Variants in RYR1 observed in about 807,000 individuals in gnomAD.
RYR1 encodes central core disease of muscle.
RYR1 carries 342 observed loss-of-function variants against 583.5 expected under a neutral mutation model. The observed-to-expected ratio is 0.59, with a 90% confidence interval of 0.54 to 0.64. The LOEUF (loss-of-function observed/expected upper bound fraction) is 0.64, where lower values mean the gene tolerates loss of function less well. Ranked by LOEUF, RYR1 falls within the 30% of genes least tolerant of loss-of-function variation. The pLI is 0.00. For synonymous variants in RYR1, 2,791 were observed against 2,822.5 expected (o/e 0.99, Z 0.35); for missense variants, 6,032 against 6,917.2 (o/e 0.87, Z 4.54).
At position 38,499,319 on chromosome 19, in the gene RYR1, G is replaced by A. The variant is rs1457831496; in HGVS notation, c.7027+76G>A. ...CACACCTCCCTCGAGATGACTGCTC[G>A]CACCCTGAGCCACAGATGGGGTCCA... is the stretch of plus-strand genomic sequence containing the variant. On this transcript the variant is annotated intron_variant, in intron 43 of 105. Transcript: ENST00000359596. This position sits in a 1 kb window ranked among gnomAD's most constrained non-coding sequence, Gnocchi z 7.3. 1.9e-5 allele frequency: 31 copies of A among 1,604,416 alleles called. No homozygotes were observed. The highest frequency in any genetic ancestry group is 2.7e-5 in the African/African-American group (2 of 74,874).
chr19:38,582,397 C>G (rs910874365), intron 101 of RYR1, among the ~76,000 whole-genome samples: 8 of 140,274 alleles, frequency 5.7e-5, no homozygotes, highest in Non-Finnish European at 1.2e-4. Context: ...AACTCCGTCT[C>G]AAAAAAAAGG....
intron 22 of RYR1, among the ~76,000 whole-genome samples, chr19:38,464,103 C>T (rs1052126112): frequency 6.6e-6 from 1 of 151,526 alleles, no homozygotes; most frequent in East Asian, 1.9e-4. Context: ...ATGGCAAAAC[C>T]CCGTCTCTAC....
At position 38,459,279 on chromosome 19, in the gene RYR1, T is replaced by C; in HGVS notation, c.2301T>C (p.Phe767=). The C allele has an allele frequency of 6.2e-7, 1 of 1,614,080 alleles. No homozygotes were observed. The highest frequency in any genetic ancestry group is 8.5e-7 in the Non-Finnish European group (1 of 1,179,990). The part of the protein sequence containing the change: ...RINGCPVQGV[F]ESFNLDGLFF... ...ACGGCTGCCCCGTGCAGGGTGTCTTTGAGTCCTTCAACCTGGACGGGCTCT... is the reference window on the plus strand; with the variant it reads ...ACGGCTGCCCCGTGCAGGGTGTCTTCGAGTCCTTCAACCTGGACGGGCTCT... The change falls in exon 19 of 106, where the codon TTT becomes TTC. Residue 767 remains phenylalanine (F), a synonymous_variant. Coordinates refer to ENST00000359596, the MANE Select transcript of RYR1 (RefSeq NM_000540.3).
At chr19:38,507,015 G>T in intron 57 of RYR1, 63 bp downstream of exon 57, 1 of 1,610,284 alleles carries the variant, frequency 6.2e-7, no homozygotes, top group South Asian at 1.1e-5. Context: ...AAGGCTGGAA[G>T]GGGCGGGGCC....
chr19:38,448,948 G>C (rs1966935731), intron 11 of RYR1, 135 bp downstream of exon 11: 1 of 825,890 alleles, frequency 1.2e-6, no homozygotes, highest in South Asian at 1.5e-5. Flanking sequence ...GGTGCAGGAG[G>C]GTACTGAGGG....
chr19:38,536,838 C>T, intron 83 of RYR1, 71 bp downstream of exon 83: 1 of 1,512,226 alleles, frequency 6.6e-7, no homozygotes, highest in African/African-American at 1.4e-5. Flanking sequence ...CACCCCTCCA[C>T]CTAGGGGCTG....
chr19:38,463,991 G>C, intron 22 of RYR1, 141 bp downstream of exon 22: 1 of 722,058 alleles, frequency 1.4e-6, no homozygotes, highest in Non-Finnish European at 2.4e-6. Context: ...AACAAATGGG[G>C]AGTGGCCGGG....
In RYR1 at chr19:38,525,281, T is replaced by C. The variant is rs962623255; in HGVS notation, c.10456-51T>C. ...GTGGATGATGGCCGCGGGTTGGGGC[T>C]GAGGCATGGGATTGGGGCTTGGGCT... On this transcript the variant is annotated intron_variant, in intron 70 of 105. Transcript: ENST00000359596. 5 of 1,611,446 alleles carry C rather than the reference T, an allele frequency of 3.1e-6. No individual in the cohort carries two copies. In the Admixed American group the frequency reaches 5.0e-5, roughly 16 times the overall value.
intron 31 of RYR1, among the ~76,000 whole-genome samples, chr19:38,480,558 T>C (rs1968957681): frequency 6.6e-6 from 1 of 152,046 alleles, no homozygotes; most frequent in East Asian, 1.9e-4. Context: ...AAGATAAGGA[T>C]GATCTTAAAG....
chr19:38,529,115 C>T (rs1363548739), intron 76 of RYR1, 58 bp downstream of exon 76: 3 of 1,555,478 alleles, frequency 1.9e-6, no homozygotes, highest in Admixed American at 1.7e-5. Flanking sequence ...CCACCCCCAG[C>T]CCAGCAGCTT....
At position 38,573,302 on chromosome 19, in the gene RYR1, C is replaced by T; in HGVS notation, c.14124C>T (p.Asn4708=). 2 of 1,613,446 alleles carry T rather than the reference C, an allele frequency of 1.2e-6. No homozygotes were observed. Among genetic ancestry groups the T allele is most frequent in the Non-Finnish European group, 1.7e-6 (2 of 1,179,764 alleles). The change falls in exon 96 of 106, where the codon AAC becomes AAT. Residue 4708 remains asparagine, a synonymous_variant. Transcript: ENST00000359596. ...GGCAGTGGGACCGACTGGTGCTCAA[C>T]ACGCCGTAAGGACCCAGCCCCCACC... ...VKGQWDRLVL[N]TPSFPSNYWD... is the part of the protein sequence containing the mutation.
At chr19:38,563,457 G>C (rs1180648948) in intron 90 of RYR1, among the ~76,000 whole-genome samples, 1 of 152,196 alleles carries the variant, frequency 6.6e-6, no homozygotes, top group Non-Finnish European at 1.5e-5. Flanking sequence ...TAGAGGCGGG[G>C]TTTTGCCATG....
At chr19:38,523,623 C>T in intron 69 of RYR1, 1 of 607,916 alleles carries the variant, frequency 1.6e-6, no homozygotes. Context: ...AAGCCTCTCT[C>T]TCCTCCCATT....
Position 38,511,611 on chromosome 19 carries a change from G to A in RYR1, c.9172+1G>A, listed in dbSNP as rs1307935313. 6.2e-7 allele frequency: 1 copy of A among 1,613,920 alleles called. No homozygotes were observed. The highest frequency in any genetic ancestry group is 8.5e-7 in the Non-Finnish European group (1 of 1,180,004). Reference sequence around the variant, plus strand: ...GTCCGCCACCGAGTCTCTCTCTTTGGTAAGTGGCTCCACACCTTCGGTCTT... The same window carrying A: ...GTCCGCCACCGAGTCTCTCTCTTTGATAAGTGGCTCCACACCTTCGGTCTT... On this transcript the variant is annotated splice_donor_variant, in intron 61 of 105. Coordinates refer to ENST00000359596, the MANE Select transcript of RYR1 (RefSeq NM_000540.3). LOFTEE classifies it high-confidence loss of function.
Position 38,448,738 on chromosome 19 carries a change from T to C in RYR1, c.1047T>C (p.His349=). ...KYGESLCFVQ[H]VASGLWLTYA... Reference sequence around the variant, plus strand: ...GGGAGTCACTGTGCTTCGTGCAGCATGTGGCCTCAGGACTGTGGCTCACCT... The same window carrying C: ...GGGAGTCACTGTGCTTCGTGCAGCACGTGGCCTCAGGACTGTGGCTCACCT... Residue 349 remains histidine (H), a synonymous_variant, in exon 11 of 106, where the codon CAT becomes CAC. Coordinates refer to ENST00000359596, the MANE Select transcript of RYR1 (RefSeq NM_000540.3). The C allele has an allele frequency of 1.2e-6, 2 of 1,614,250 alleles. No individual in the cohort carries two copies. Among genetic ancestry groups the C allele is most frequent in the Non-Finnish European group, 1.7e-6 (2 of 1,180,046 alleles).
Position 38,506,571 on chromosome 19 carries a change from C to T in RYR1, c.8692+25C>T, listed in dbSNP as rs751664895. ...GGTGAGGGCGCCCATGCCGCCCCCA[C>T]GCTACCCCCGTGGATTCACCGTGTG... On this transcript the variant is annotated intron_variant, in intron 56 of 105. Transcript: ENST00000359596. 5 of 1,612,588 alleles carry T rather than the reference C, an allele frequency of 3.1e-6. No individual in the cohort carries two copies. In the African/African-American group the frequency reaches 5.3e-5, roughly 17 times the overall value.
In RYR1 at chr19:38,478,582, G is replaced by A; in HGVS notation, c.4602G>A (p.Glu1534=). 1 of 1,613,008 alleles carries A rather than the reference G, an allele frequency of 6.2e-7. No individual in the cohort carries two copies. Among genetic ancestry groups the A allele is most frequent in the Admixed American group, 1.7e-5 (1 of 60,024 alleles). Residue 1534 remains glutamate (E), a synonymous_variant, in exon 31 of 106, where the codon GAG becomes GAA. Coordinates refer to ENST00000359596, the MANE Select transcript of RYR1 (RefSeq NM_000540.3). ...GLMTFTANGK[E]SNTFFQVEPN... is the part of the protein sequence containing the mutation. ...TGACCTTTACAGCCAATGGCAAAGAGAGCAACACCTTTTTCCAGGTGAGTC... is the reference window on the plus strand; with the variant it reads ...TGACCTTTACAGCCAATGGCAAAGAAAGCAACACCTTTTTCCAGGTGAGTC...
At chr19:38,537,845 C>T (rs1252514351) in intron 83 of RYR1, 35 bp from the exon 84 acceptor site, 55 of 1,599,370 alleles carry the variant, frequency 3.4e-5, no homozygotes, top group Non-Finnish European at 4.6e-5. Flanking sequence ...GCGCATCTGA[C>T]CCCTCCTGGG....
At position 38,496,386 on chromosome 19, in the gene RYR1, C is replaced by A. The variant is rs760053211; in HGVS notation, c.6664-23C>A. Reference sequence around the variant, plus strand: ...GGGGAGGCAGCCACAGAGGGCAGGCCCTGACCACCCTGCCTGTCCCAGGAG... The same window carrying A: ...GGGGAGGCAGCCACAGAGGGCAGGCACTGACCACCCTGCCTGTCCCAGGAG... On this transcript the variant is annotated intron_variant, in intron 40 of 105. Transcript: ENST00000359596. The surrounding 1 kb of genome is among the most constrained non-coding windows in gnomAD (Gnocchi z 4.8). 6.2e-7 allele frequency: 1 copy of A among 1,613,748 alleles called. No individual in the cohort carries two copies.
Sources: allele counts gnomAD v4.1 joint callset (sites outside exome capture counted in the v4.1 genomes callset), GRCh38; gene constraint gnomAD v4.1.1; non-coding constraint Gnocchi (gnomAD v3.1); transcripts MANE v1.5; gene names NCBI Gene and HGNC (gene_info 2026-07-23, HGNC 2026-07-21).